Variants in ERC2 observed in about 807,000 individuals in gnomAD.
The protein encoded by ERC2 is ELKS/RAB6-interacting/CAST family member 2, also known as ERC protein 2.
In ERC2, 42 loss-of-function variants were observed where a neutral mutation model predicts 114.8. The ratio of observed to expected loss-of-function variants is 0.37; its 90% CI spans 0.29 to 0.47. The LOEUF (loss-of-function observed/expected upper bound fraction) is 0.47. Among genes scored for constraint, ERC2 ranks in the 20% least tolerant of loss-of-function variants. ERC2 has a pLI of 0.99. For missense variants in ERC2, 939 were observed against 1,150.7 expected, an observed-to-expected ratio of 0.82 and a Z score of 2.66; for synonymous variants, 454 against 425.5, an observed-to-expected ratio of 1.07 and a Z score of -0.82.
At chr3:55,799,453 A>C (rs1575635503) in intron 14 of ERC2, among the ~76,000 whole-genome samples, 2 of 111,470 alleles carry the variant, frequency 1.8e-5, no homozygotes, top group South Asian at 5.9e-4. Flanking sequence ...ATATATGCAT[A>C]TATATATATA....
intron 16 of ERC2, among the ~76,000 whole-genome samples, chr3:55,689,951 A>G (rs1045230484): frequency 1.1e-4 from 17 of 152,238 alleles, no homozygotes; most frequent in African/African-American, 4.1e-4. Context: ...ATAACTAGAC[A>G]TATCATCCCT....
chr3:56,430,835 T>C (rs1240940577), intron 2 of ERC2, among the ~76,000 whole-genome samples: 1 of 152,112 alleles, frequency 6.6e-6, no homozygotes, highest in Non-Finnish European at 1.5e-5. Context: ...AATCATCTTA[T>C]CAAAACTAGT....
intron 2 of ERC2, among the ~76,000 whole-genome samples, chr3:56,410,949 A>C (rs2060919666): frequency 6.6e-6 from 1 of 151,846 alleles, no homozygotes; most frequent in South Asian, 2.1e-4. Flanking sequence ...TATTTATATG[A>C]ATCAACTAGC....
intron 6 of ERC2, among the ~76,000 whole-genome samples, chr3:56,122,655 A>G (rs73091255): frequency 0.061 from 9,351 of 152,150 alleles, 761 homozygotes; most frequent in African/African-American, 0.19. Flanking sequence ...CTTATGAGGG[A>G]TCACAGGTAC....
intron 9 of ERC2, among the ~76,000 whole-genome samples, chr3:56,008,837 C>T (rs1016186437): frequency 1.3e-5 from 2 of 152,236 alleles, no homozygotes; most frequent in Admixed American, 6.5e-5. Context: ...TTGATTGCAA[C>T]ATCAGCTTCT....
intron 15 of ERC2, among the ~76,000 whole-genome samples, chr3:55,722,495 T>A (rs534919019): frequency 6.6e-6 from 1 of 152,314 alleles, no homozygotes; most frequent in South Asian, 2.1e-4. Flanking sequence ...GCTCCCCAAA[T>A]CCCTCATAGA....
chr3:56,214,405 C>G (rs886971694), intron 3 of ERC2, among the ~76,000 whole-genome samples: 3 of 151,192 alleles, frequency 2.0e-5, no homozygotes, highest in Non-Finnish European at 4.4e-5. Flanking sequence ...GATGGAAGAT[C>G]AAATGAATGA....
intron 14 of ERC2, among the ~76,000 whole-genome samples, chr3:55,828,350 C>T (rs563002179): frequency 6.6e-6 from 1 of 152,094 alleles, no homozygotes; most frequent in Admixed American, 6.5e-5. Context: ...TCTTTCTGGC[C>T]ATAGACCTGG....
intron 3 of ERC2, among the ~76,000 whole-genome samples, chr3:56,218,003 G>C (rs1421435223): frequency 1.3e-5 from 2 of 152,174 alleles, no homozygotes; most frequent in Non-Finnish European, 2.9e-5. Flanking sequence ...ATGGATTAAA[G>C]ACTTACATGT....
chr3:56,334,006 A>G (rs1038563933), intron 2 of ERC2, among the ~76,000 whole-genome samples: 6 of 152,216 alleles, frequency 3.9e-5, no homozygotes, highest in African/African-American at 1.4e-4. Context: ...ATGGTTTACC[A>G]CAGTGCCTGA....
chr3:56,365,310 C>T (rs2059108095), intron 2 of ERC2, among the ~76,000 whole-genome samples: 2 of 152,196 alleles, frequency 1.3e-5, no homozygotes, highest in African/African-American at 4.8e-5. Flanking sequence ...CTAATCACTA[C>T]GTTACAATTG....
chr3:56,425,957 C>T (rs549814613), intron 2 of ERC2, among the ~76,000 whole-genome samples: 1 of 152,316 alleles, frequency 6.6e-6, no homozygotes, highest in South Asian at 2.1e-4. Context: ...TTGTCTATTG[C>T]TTTCTTTCTT....
chr3:55,721,355 T>C (rs1224913156), intron 15 of ERC2, among the ~76,000 whole-genome samples: 2 of 152,266 alleles, frequency 1.3e-5, no homozygotes, highest in Non-Finnish European at 2.9e-5. Context: ...GTTAATGTTC[T>C]ACTGAACAAT....
At chr3:55,798,263 G>C (rs1189291674) in intron 14 of ERC2, among the ~76,000 whole-genome samples, 1 of 152,106 alleles carries the variant, frequency 6.6e-6, no homozygotes, top group Non-Finnish European at 1.5e-5. Flanking sequence ...ATTGCAGTAA[G>C]ACCACAGAGC....
chr3:55,827,728 G>C (rs1021979959), intron 14 of ERC2, among the ~76,000 whole-genome samples: 6 of 152,082 alleles, frequency 3.9e-5, no homozygotes, highest in African/African-American at 1.4e-4. Flanking sequence ...CTTTCCCATG[G>C]TACCTGGGTC....
At chr3:55,876,987 T>C (rs1007549299) in intron 14 of ERC2, among the ~76,000 whole-genome samples, 2 of 152,310 alleles carry the variant, frequency 1.3e-5, no homozygotes, top group Admixed American at 6.5e-5. Context: ...CAGGAAAATA[T>C]ATCCTGTGTG....
intron 2 of ERC2, among the ~76,000 whole-genome samples, chr3:56,354,456 G>A (rs189712855): frequency 7.1e-4 from 108 of 152,240 alleles, no homozygotes; most frequent in South Asian, 5.4e-3. Flanking sequence ...GGGTGCTAAT[G>A]GCATCTAGTA....
chr3:56,337,060 C>T (rs1322935386), intron 2 of ERC2, among the ~76,000 whole-genome samples: 3 of 152,180 alleles, frequency 2.0e-5, no homozygotes, highest in Non-Finnish European at 4.4e-5. Context: ...AAAAAAACCA[C>T]CTCTGGGTGG....
At chr3:55,576,309 CAAA>C in intron 17 of ERC2, among the ~76,000 whole-genome samples, 1 of 117,646 alleles carries the variant, frequency 8.5e-6, no homozygotes, top group Non-Finnish European at 1.8e-5. Context: ...GACTCCATCT[CAAA>C]AAAAAAAAAA....
Sources: gnomAD v4.1 joint callset for allele counts (sites outside exome capture counted in the v4.1 genomes callset) on GRCh38, gnomAD v4.1.1 for gene constraint, MANE v1.5 for transcripts, NCBI Gene and HGNC (gene_info 2026-07-23, HGNC 2026-07-21) for gene names.